TARS3: variants seen among roughly 807,000 people sequenced by gnomAD.
The protein encoded by TARS3 is threonyl-tRNA synthetase 3, also known as threonine--tRNA ligase 2, cytoplasmic.
A neutral mutation model predicts 103.5 loss-of-function variants in TARS3; 94 were observed. That is an observed-to-expected ratio of 0.91 (90% CI 0.77 to 1.08). The LOEUF is 1.08. Among genes scored for constraint, TARS3 ranks in the 50% least tolerant of loss-of-function variants. The pLI, the probability that TARS3 is intolerant of heterozygous loss-of-function variation, is 0.00. For synonymous variants in TARS3, 416 were observed against 355.4 expected (o/e 1.17, Z -1.92); for missense variants, 952 against 995.2 (o/e 0.96, Z 0.58).
chr15:101,723,945 GGGC>G, intron 1 of TARS3, 143 bp downstream of exon 1: 2 of 347,770 alleles, frequency 5.8e-6, no homozygotes, highest in East Asian at 1.2e-3. Flanking sequence ...CCACCGAGCA[GGGC>G]AGGGCGGGCC....
At chr15:101,666,368 C>G (rs1044849810) in intron 15 of TARS3, among the ~76,000 whole-genome samples, 1 of 149,372 alleles carries the variant, frequency 6.7e-6, no homozygotes, top group African/African-American at 2.5e-5. Flanking sequence ...CCCAGTTACT[C>G]AGGAGGCTGA....
chr15:101,671,438 A>C (rs753381173), intron 15 of TARS3, 48 bp downstream of exon 15: 2 of 1,432,222 alleles, frequency 1.4e-6, no homozygotes, highest in Non-Finnish European at 9.7e-7. Context: ...CAAATGACAA[A>C]AAATTAGAAT....
chr15:101,666,632 A>C (rs1460042281), intron 15 of TARS3, among the ~76,000 whole-genome samples: 1 of 152,168 alleles, frequency 6.6e-6, no homozygotes, highest in Non-Finnish European at 1.5e-5. Flanking sequence ...CAAGCAAAGA[A>C]GGTTATTTTC....
At position 101,654,445 on chromosome 15, in the gene TARS3, A is replaced by T. The variant is rs187069765; in HGVS notation, c.*137T>A. ...CTTCGTGCATGTCAGCTACACGTTCATCGTCTCCTTTCTCAGCTGAGGCCA... is the reference window on the plus strand; with the variant it reads ...CTTCGTGCATGTCAGCTACACGTTCTTCGTCTCCTTTCTCAGCTGAGGCCA... On this transcript the variant is annotated 3_prime_UTR_variant, in exon 19 of 19. Transcript: ENST00000335968. 1 of 885,960 alleles carries T rather than the reference A, an allele frequency of 1.1e-6. No individual in the cohort carries two copies. The highest frequency in any genetic ancestry group is 1.7e-6 in the Non-Finnish European group (1 of 599,908). 54.9% of individuals were successfully genotyped at this position (885,960 alleles called of 1,614,324 possible). A position where few individuals can be genotyped will look rare whatever the true frequency, so the allele number is the denominator to read the frequency against.
At chr15:101,689,758 G>C (rs1898629068) in intron 10 of TARS3, among the ~76,000 whole-genome samples, 1 of 152,192 alleles carries the variant, frequency 6.6e-6, no homozygotes, top group African/African-American at 2.4e-5. Flanking sequence ...CCAAAACTGG[G>C]AGATAATAAA....
intron 6 of TARS3, 38 bp from the exon 7 acceptor site, chr15:101,705,785 A>G (rs766472404): frequency 2.7e-6 from 4 of 1,456,434 alleles, no homozygotes; most frequent in Middle Eastern, 1.7e-4. Context: ...ATTACACACA[A>G]TGTTGAAATG....
rs770228103 is a variant in TARS3 at position 101,675,635 on chromosome 15, G to A, written c.1753C>T (p.Leu585=). The change falls in exon 13 of 19, where the codon CTA becomes TTA. Residue 585 remains leucine (L), a synonymous_variant. Transcript: ENST00000335968. ...LNLSTRPENF[L]GEIEMWNEAE... ...TCATTCCACATCTCAATCTCTCCTA[G>A]GAAGTTTTCCGGCCTTGTTGACAGG... 7.4e-6 allele frequency: 12 copies of A among 1,613,832 alleles called. No individual in the cohort carries two copies. The Admixed American group carries it at 1.7e-4, about 22-fold the overall frequency.
chr15:101,687,693 T>C (rs1305429378), intron 10 of TARS3, among the ~76,000 whole-genome samples: 1 of 152,200 alleles, frequency 6.6e-6, no homozygotes, highest in Admixed American at 6.5e-5. Context: ...ATCCCTGCAA[T>C]GGACTGAATG....
At chr15:101,691,291 TA>T (rs1353830387) in intron 10 of TARS3, among the ~76,000 whole-genome samples, 10 of 138,966 alleles carry the variant, frequency 7.2e-5, no homozygotes, top group African/African-American at 1.5e-4. Flanking sequence ...TATATATATA[TA>T]TTTTTGAAAC....
intron 12 of TARS3, among the ~76,000 whole-genome samples, chr15:101,681,721 A>G (rs919625509): frequency 2.1e-4 from 32 of 152,322 alleles, no homozygotes; most frequent in African/African-American, 7.7e-4. Flanking sequence ...TTAAAAGGGC[A>G]CTAATCGTAT....
chr15:101,709,236 C>T (rs1899733887), intron 5 of TARS3, among the ~76,000 whole-genome samples: 1 of 152,210 alleles, frequency 6.6e-6, no homozygotes, highest in Non-Finnish European at 1.5e-5. Context: ...TTTAGTTTTG[C>T]TCAAGAGCCA....
At chr15:101,693,935 G>T (rs903785985) in intron 10 of TARS3, among the ~76,000 whole-genome samples, 30 of 152,086 alleles carry the variant, frequency 2.0e-4, no homozygotes, top group African/African-American at 7.0e-4. Context: ...AGGGGTGACG[G>T]AACTGTTCTG....
At chr15:101,656,110 G>A in intron 18 of TARS3, 1 of 1,223,880 alleles carries the variant, frequency 8.2e-7, no homozygotes, top group Non-Finnish European at 1.1e-6. Context: ...AATACTCCTG[G>A]TGAGGGTTGA....
At chr15:101,662,518 C>T (rs980981722) in intron 15 of TARS3, among the ~76,000 whole-genome samples, 1 of 152,068 alleles carries the variant, frequency 6.6e-6, no homozygotes, top group Non-Finnish European at 1.5e-5. Context: ...AACAGAGAAA[C>T]CCATTCATTA....
At chr15:101,709,888 T>A (rs1567352997) in intron 5 of TARS3, among the ~76,000 whole-genome samples, 1 of 152,246 alleles carries the variant, frequency 6.6e-6, no homozygotes, top group African/African-American at 2.4e-5. Context: ...ACAGGGTTTT[T>A]AAAATCCTGA....
chr15:101,675,126 T>A (rs1020257292), intron 13 of TARS3, among the ~76,000 whole-genome samples: 2 of 152,192 alleles, frequency 1.3e-5, no homozygotes, highest in African/African-American at 4.8e-5. Flanking sequence ...TTTGCAAAGC[T>A]TAGATGTAAC....
At position 101,701,151 on chromosome 15, in the gene TARS3, G is replaced by C. The variant is rs1198427205; in HGVS notation, c.1255C>G (p.Pro419Ala). 6.3e-7 allele frequency: 1 copy of C among 1,597,168 alleles called. No homozygotes were observed. Among genetic ancestry groups the C allele is most frequent in the South Asian group, 1.2e-5 (1 of 86,568 alleles). Residue 419 changes from proline to alanine, a missense_variant, in exon 10 of 19, where the codon CCT (proline) becomes GCT (alanine). This residue lies in a region of TARS3 where 540 missense variants were observed against 631.0 expected (regional missense o/e 0.86). Transcript: ENST00000335968. Reference sequence around the variant, plus strand: ...CTGGGAAGGAAAAAACAGCTTCCAGGACTCAAATCGTGGAAAAAGAAAAGT... The same window carrying C: ...CTGGGAAGGAAAAAACAGCTTCCAGCACTCAAATCGTGGAAAAAGAAAAGT... ...QELFFFHDLS[P>A]GSCFFLPRGA... is the part of the protein sequence containing the mutation.
chr15:101,708,766 A>C, intron 6 of TARS3, 27 bp downstream of exon 6: 1 of 1,407,826 alleles, frequency 7.1e-7, no homozygotes, highest in Non-Finnish European at 1.0e-6. Context: ...ATTCCTAGTA[A>C]GAGGTTTAGG....
At chr15:101,711,611 G>A (rs1335265161) in intron 5 of TARS3, among the ~76,000 whole-genome samples, 1 of 152,120 alleles carries the variant, frequency 6.6e-6, no homozygotes, top group Non-Finnish European at 1.5e-5. Context: ...CTTATTTCAA[G>A]AATACAGTAT....
Sources: allele counts gnomAD v4.1 joint callset (sites outside exome capture counted in the v4.1 genomes callset), GRCh38; gene constraint gnomAD v4.1.1; regional missense constraint gnomAD v4.1.1; transcripts MANE v1.5; gene names NCBI Gene and HGNC (gene_info 2026-07-23, HGNC 2026-07-21).